Variants in SLIT3 observed in about 807,000 individuals in gnomAD.
SLIT3 encodes slit homolog 3 protein.
In SLIT3, 68 loss-of-function variants were observed where a neutral mutation model predicts 184.0. The observed-to-expected ratio is 0.37, with a 90% CI of 0.30 to 0.45. The LOEUF is 0.45. SLIT3 is among the 20% of genes least tolerant of loss of function. SLIT3 has a pLI of 1.00. For synonymous variants in SLIT3, 831 were observed against 828.6 expected, an observed-to-expected ratio of 1.00 and a Z score of -0.05; for missense variants, 1,707 against 2,026.0, an observed-to-expected ratio of 0.84 and a Z score of 3.02.
intron 4 of SLIT3, among the ~76,000 whole-genome samples, chr5:169,017,385 A>G (rs62379473): frequency 0.035 from 5,353 of 152,274 alleles, 123 homozygotes; most frequent in Middle Eastern, 0.065. Context: ...GGTCCCTAAT[A>G]CGGAAATGTT....
At chr5:169,065,720 G>A (rs550158994) in intron 4 of SLIT3, among the ~76,000 whole-genome samples, 9 of 152,234 alleles carry the variant, frequency 5.9e-5, no homozygotes, top group Middle Eastern at 3.4e-3. Context: ...AAATCCTCCC[G>A]GATAGCCCAT....
In SLIT3 at chr5:168,823,316, G is replaced by A. The variant is rs551511513; in HGVS notation, c.573C>T (p.Asn191=). 6.2e-7 allele frequency: 1 copy of A among 1,613,820 alleles called. No homozygotes were observed. The highest frequency in any genetic ancestry group is 1.1e-5 in the South Asian group (1 of 91,062). ...TGGTGACCAGGATGCGACTGATGTTGTTGTTGTTGAGGGTACTGTGGAGAT... is the reference window on the plus strand; with the variant it reads ...TGGTGACCAGGATGCGACTGATGTTATTGTTGTTGAGGGTACTGTGGAGAT... ...RDLEILTLNN[N]NISRILVTSF... The change falls in exon 7 of 36, where the codon AAC becomes AAT. Residue 191 remains asparagine (N), a synonymous_variant. Transcript: ENST00000519560.
chr5:168,777,711 C>A (rs1473582724), intron 12 of SLIT3, among the ~76,000 whole-genome samples: 3 of 152,174 alleles, frequency 2.0e-5, no homozygotes, highest in Admixed American at 1.3e-4. Flanking sequence ...GGATGCTTGG[C>A]TCCCTCAGGC....
intron 4 of SLIT3, among the ~76,000 whole-genome samples, chr5:169,054,057 C>A (rs1757904035): frequency 6.6e-6 from 1 of 151,964 alleles, no homozygotes; most frequent in Non-Finnish European, 1.5e-5. Flanking sequence ...TGCCACTGCA[C>A]TCCAGCCTGG....
At chr5:168,802,601 C>T (rs1292931901) in intron 9 of SLIT3, among the ~76,000 whole-genome samples, 2 of 152,174 alleles carry the variant, frequency 1.3e-5, no homozygotes, top group African/African-American at 4.8e-5. Context: ...AGTCATAATG[C>T]AAGTGGCTAG....
intron 6 of SLIT3, among the ~76,000 whole-genome samples, chr5:168,834,890 T>C (rs974205848): frequency 6.6e-6 from 1 of 151,928 alleles, no homozygotes; most frequent in African/African-American, 2.4e-5. Context: ...ACATGCCCTG[T>C]CCAGACAGGG....
At chr5:168,683,381 A>G (rs1423462103) in intron 32 of SLIT3, among the ~76,000 whole-genome samples, 1 of 151,614 alleles carries the variant, frequency 6.6e-6, no homozygotes, top group Admixed American at 6.6e-5. Flanking sequence ...AAAAAAAAAA[A>G]AAAAGAAAAG....
At position 169,124,607 on chromosome 5, in the gene SLIT3, G is replaced by C. The variant is rs148141708; in HGVS notation, c.413+68872C>G. ...AGATATGGATATAGGTCAAGATTGT[G>C]AGAAATAGAGTGATTAAAAGCCATC... is the stretch of plus-strand genomic sequence containing the variant. On this transcript the variant is annotated intron_variant, in intron 4 of 35. Transcript: ENST00000519560. Among the ~76,000 whole-genome samples the C allele has an allele frequency of 4.0e-3, 611 of 152,296 alleles. 2 individuals carry two copies. The highest frequency in any genetic ancestry group is 0.014 in the African/African-American group (572 of 41,558).
chr5:169,130,820 G>A (rs1761269617), intron 4 of SLIT3, among the ~76,000 whole-genome samples: 1 of 152,180 alleles, frequency 6.6e-6, no homozygotes, highest in Non-Finnish European at 1.5e-5. Context: ...AAACTAGACT[G>A]ATCATGTGTC....
chr5:169,081,188 G>A (rs1396382459), intron 4 of SLIT3, among the ~76,000 whole-genome samples: 2 of 152,206 alleles, frequency 1.3e-5, no homozygotes, highest in Non-Finnish European at 2.9e-5. Context: ...TTCTCAGGTT[G>A]AACTCTGCCT....
Position 168,817,237 on chromosome 5 carries a change from TGTGGGAGCTCATGG to T in SLIT3, c.793+49_793+62del, listed in dbSNP as rs544566682. On this transcript the variant is annotated intron_variant, in intron 8 of 35. Coordinates refer to ENST00000519560, the MANE Select transcript of SLIT3 (RefSeq NM_003062.4). ...TATGTGTTCAAGGTCAGGGTGATGT[TGTGGGAGCTCATGG>T]GTGGGTGGGTCATAGCACAGGAGGG... is the stretch of plus-strand genomic sequence containing the variant. The T allele has an allele frequency of 3.5e-3, 5,182 of 1,492,638 alleles. 17 individuals carry two copies. Among genetic ancestry groups the T allele is most frequent in the Middle Eastern group, 0.014 (80 of 5,800 alleles). The allele number at this position is 1,492,638 out of a possible 1,614,324, so 92.5% of individuals were successfully genotyped here. A position where few individuals can be genotyped will look rare whatever the true frequency, so the allele number is the denominator to read the frequency against.
intron 4 of SLIT3, among the ~76,000 whole-genome samples, chr5:168,945,160 G>A (rs1287480767): frequency 6.6e-6 from 1 of 152,162 alleles, no homozygotes; most frequent in Non-Finnish European, 1.5e-5. Context: ...ACATATCAGG[G>A]AGTTGCTTTA....
At chr5:169,274,818 A>C (rs1766746698) in intron 1 of SLIT3, among the ~76,000 whole-genome samples, 2 of 152,218 alleles carry the variant, frequency 1.3e-5, no homozygotes, top group East Asian at 3.8e-4. Flanking sequence ...TCTGGATTCA[A>C]ATACTTACCA....
intron 4 of SLIT3, among the ~76,000 whole-genome samples, chr5:169,103,276 A>G (rs1177109185): frequency 2.6e-5 from 4 of 152,226 alleles, no homozygotes; most frequent in Non-Finnish European, 4.4e-5. Context: ...TTTACCCATC[A>G]CATTGTGTAA....
At chr5:169,271,805 TG>T (rs888559633) in intron 1 of SLIT3, among the ~76,000 whole-genome samples, 6 of 152,010 alleles carry the variant, frequency 3.9e-5, no homozygotes, top group African/African-American at 1.4e-4. Context: ...GAAGAACCCT[TG>T]GGGCAGATAC....
At chr5:169,092,177 C>T (rs11954082) in intron 4 of SLIT3, among the ~76,000 whole-genome samples, 16 of 152,240 alleles carry the variant, frequency 1.1e-4, no homozygotes, top group African/African-American at 3.4e-4. Context: ...GAGCCGAGAT[C>T]GTGCCATTGC....
intron 8 of SLIT3, among the ~76,000 whole-genome samples, chr5:168,807,837 A>T (rs1355953715): frequency 6.6e-6 from 1 of 152,212 alleles, no homozygotes; most frequent in African/African-American, 2.4e-5. Context: ...CCAGACGACC[A>T]GCAGAGCCTG....
At chr5:168,891,198 G>C (rs1308547708) in intron 4 of SLIT3, among the ~76,000 whole-genome samples, 1 of 152,174 alleles carries the variant, frequency 6.6e-6, no homozygotes, top group Admixed American at 6.5e-5. Context: ...TTGGGAGCAG[G>C]ATGCAAAGGC....
intron 1 of SLIT3, among the ~76,000 whole-genome samples, chr5:169,266,114 C>T (rs923129994): frequency 1.3e-5 from 2 of 152,200 alleles, no homozygotes; most frequent in African/African-American, 4.8e-5. Flanking sequence ...CCTTATCATG[C>T]CCAGAAATCT....
Sources: allele counts gnomAD v4.1 joint callset (sites outside exome capture counted in the v4.1 genomes callset), GRCh38; gene constraint gnomAD v4.1.1; transcripts MANE v1.5; gene names NCBI Gene and HGNC (gene_info 2026-07-23, HGNC 2026-07-21).